The following BMERB1 variants were observed in gnomAD, a reference collection of about 807,000 sequenced individuals.
The protein encoded by BMERB1 is bMERB domain containing 1, also known as bMERB domain-containing protein 1.
A neutral mutation model predicts 23.6 loss-of-function variants in BMERB1; 12 were observed. The observed-to-expected ratio is 0.51, with a 90% CI of 0.33 to 0.82. The LOEUF (loss-of-function observed/expected upper bound fraction) is 0.82, where lower values mean the gene tolerates loss of function less well. Ranked by LOEUF, BMERB1 falls within the 40% of genes least tolerant of loss-of-function variation. The pLI is 0.03. For missense variants in BMERB1, 247 were observed against 255.4 expected (o/e 0.97, Z 0.22); for synonymous variants, 122 against 96.6 (o/e 1.26, Z -1.54).
chr16:15,569,383 C>T (rs879702929), intron 3 of BMERB1, among the ~76,000 whole-genome samples: 2 of 152,048 alleles, frequency 1.3e-5, no homozygotes, highest in Admixed American at 1.3e-4. Flanking sequence ...ATGTCACGTG[C>T]CCAGAGCAGG....
chr16:15,471,617 C>G (rs552666680), intron 1 of BMERB1, among the ~76,000 whole-genome samples: 1 of 152,224 alleles, frequency 6.6e-6, no homozygotes, highest in African/African-American at 2.4e-5. Context: ...CTCTCTCTCT[C>G]TGTCTGTCTC....
chr16:15,582,471 T>C (rs941418196), intron 4 of BMERB1, among the ~76,000 whole-genome samples: 2 of 152,122 alleles, frequency 1.3e-5, no homozygotes, highest in Non-Finnish European at 2.9e-5. Flanking sequence ...CCGGTTCTGC[T>C]TCCAGATCTA....
intron 2 of BMERB1, among the ~76,000 whole-genome samples, chr16:15,564,302 T>TTG (rs926683366): frequency 5.8e-4 from 89 of 152,340 alleles, no homozygotes; most frequent in African/African-American, 2.0e-3. Flanking sequence ...ACATGTTTTT[T>TTG]TGTGTGTGTG....
At position 15,494,213 on chromosome 16, in the gene BMERB1, A is replaced by G. The variant is rs568726949; in HGVS notation, c.107-21092A>G. Among the ~76,000 whole-genome samples the G allele has an allele frequency of 4.6e-5, 7 of 152,292 alleles. No homozygotes were observed. In the South Asian group the frequency reaches 8.3e-4, roughly 18 times the overall value. On this transcript the variant is annotated intron_variant, in intron 1 of 5. Transcript: ENST00000300006. ...TTGTTTATGCAATTTTAACCGGGCA[A>G]TTGTTGTTATTATAGGTTTATCAAT...
intron 2 of BMERB1, among the ~76,000 whole-genome samples, chr16:15,563,281 C>G (rs147981964): frequency 7.7e-4 from 116 of 151,628 alleles, no homozygotes; most frequent in African/African-American, 2.8e-3. Flanking sequence ...AGTGCAGTGG[C>G]GCAATCTTGG....
intron 2 of BMERB1, 87 bp from the exon 3 acceptor site, chr16:15,567,896 A>T: frequency 8.0e-7 from 1 of 1,248,942 alleles, no homozygotes; most frequent in Non-Finnish European, 1.1e-6. Context: ...ACCCACCTTT[A>T]ATAGCTTCTT....
intron 1 of BMERB1, among the ~76,000 whole-genome samples, chr16:15,459,382 A>G (rs149343800): frequency 6.6e-5 from 10 of 152,144 alleles, no homozygotes; most frequent in Admixed American, 2.6e-4. Flanking sequence ...TGTATTGTCT[A>G]TAAGAGACAC....
chr16:15,576,943 C>G (rs1003658532), intron 3 of BMERB1, among the ~76,000 whole-genome samples: 1 of 152,184 alleles, frequency 6.6e-6, no homozygotes, highest in African/African-American at 2.4e-5. Context: ...CGGCCTGTGG[C>G]AGACTGCACC....
chr16:15,583,062 C>T, intron 4 of BMERB1, 94 bp from the exon 5 acceptor site: 1 of 933,350 alleles, frequency 1.1e-6, no homozygotes, highest in Non-Finnish European at 1.8e-6. Flanking sequence ...TCCACAAAGC[C>T]TGTTGCTTAA....
intron 2 of BMERB1, among the ~76,000 whole-genome samples, chr16:15,542,992 G>A (rs911601556): frequency 6.6e-6 from 1 of 152,172 alleles, no homozygotes; most frequent in African/African-American, 2.4e-5. Flanking sequence ...CAGGGTGATA[G>A]CCTTTTACAC....
chr16:15,550,162 A>G (rs768744981), intron 2 of BMERB1, among the ~76,000 whole-genome samples: 7 of 152,156 alleles, frequency 4.6e-5, no homozygotes, highest in East Asian at 1.9e-4. Flanking sequence ...GATGGTCTCT[A>G]TCTCCTGACC....
At chr16:15,439,026 A>T (rs2050914053) in intron 1 of BMERB1, among the ~76,000 whole-genome samples, 1 of 152,228 alleles carries the variant, frequency 6.6e-6, no homozygotes, top group Non-Finnish European at 1.5e-5. Context: ...AAAATATTTT[A>T]TGTTAAACAC....
At chr16:15,494,625 C>T (rs1478758176) in intron 1 of BMERB1, among the ~76,000 whole-genome samples, 1 of 151,984 alleles carries the variant, frequency 6.6e-6, no homozygotes, top group East Asian at 1.9e-4. Flanking sequence ...TTGCCTTAGA[C>T]GGAGTTTGCT....
chr16:15,581,134 C>T, intron 3 of BMERB1, 83 bp from the exon 4 acceptor site: 1 of 988,430 alleles, frequency 1.0e-6, no homozygotes, highest in East Asian at 2.7e-5. Flanking sequence ...CCAGGCTGGT[C>T]TGAAACTCCT....
chr16:15,581,339 C>T lies in BMERB1; in HGVS notation c.419+8C>T, dbSNP rs758521242. 5.0e-6 allele frequency: 8 copies of T among 1,608,296 alleles called. No individual in the cohort carries two copies. The South Asian group carries it at 7.7e-5, about 16-fold the overall frequency. On this transcript the variant is annotated splice_region_variant and intron_variant, in intron 4 of 5. Coordinates refer to ENST00000300006, the MANE Select transcript of BMERB1 (RefSeq NM_033201.3). ...GGAGGTCGAGCGGTTAAGGTGAGTG[C>T]ACTGCGGGTACCCGATCACTGGGCT...
intron 1 of BMERB1, among the ~76,000 whole-genome samples, chr16:15,472,235 T>C (rs1163655569): frequency 6.6e-6 from 1 of 152,234 alleles, no homozygotes; most frequent in African/African-American, 2.4e-5. Context: ...ATTCCACTGT[T>C]GTTGGGTGAA....
chr16:15,562,610 TC>T (rs935068560), intron 2 of BMERB1, among the ~76,000 whole-genome samples: 1 of 152,114 alleles, frequency 6.6e-6, no homozygotes, highest in Non-Finnish European at 1.5e-5. Flanking sequence ...TTTAGCAGTG[TC>T]CCTGGTCTCT....
At chr16:15,478,898 C>A (rs1288505366) in intron 1 of BMERB1, among the ~76,000 whole-genome samples, 1 of 152,196 alleles carries the variant, frequency 6.6e-6, no homozygotes, top group Non-Finnish European at 1.5e-5. Context: ...ATGGGAAATA[C>A]ACGAAAAGCA....
At chr16:15,455,000 C>T (rs117921471) in intron 1 of BMERB1, among the ~76,000 whole-genome samples, 2,035 of 152,158 alleles carry the variant, frequency 0.013, 15 homozygotes, top group Non-Finnish European at 0.021. Flanking sequence ...TTAACAATCT[C>T]TTGCAACAGA....
Sources: allele counts gnomAD v4.1 joint callset (sites outside exome capture counted in the v4.1 genomes callset), GRCh38; gene constraint gnomAD v4.1.1; transcripts MANE v1.5; gene names NCBI Gene and HGNC (gene_info 2026-07-23, HGNC 2026-07-21).